RBPMS: variants seen among roughly 807,000 people sequenced by gnomAD.
The protein encoded by RBPMS is RNA-binding protein with multiple splicing.
Under a neutral mutation model 26.8 loss-of-function variants are expected in RBPMS, and 7 were observed. That is an observed-to-expected ratio of 0.26 (90% CI 0.15 to 0.49). RBPMS has a LOEUF of 0.49. Among genes scored for constraint, RBPMS ranks in the 20% least tolerant of loss-of-function variants. The pLI, the probability that RBPMS is intolerant of heterozygous loss-of-function variation, is 0.98. For synonymous variants in RBPMS, 96 were observed against 93.3 expected, an observed-to-expected ratio of 1.03 and a Z score of -0.17; for missense variants, 186 against 250.0, an observed-to-expected ratio of 0.74 and a Z score of 1.73.
chr8:30,417,427 T>C (rs1197782008), intron 1 of RBPMS, among the ~76,000 whole-genome samples: 2 of 152,114 alleles, frequency 1.3e-5, no homozygotes, highest in Admixed American at 6.5e-5. Flanking sequence ...ACCTGTTTTA[T>C]AGAAACTTCT....
At chr8:30,529,798 G>C (rs1227302241) in intron 5 of RBPMS, among the ~76,000 whole-genome samples, 3 of 150,422 alleles carry the variant, frequency 2.0e-5, no homozygotes, top group African/African-American at 7.4e-5. Context: ...TTGTTGCCCA[G>C]GCTGGAGTGC....
At position 30,547,101 on chromosome 8, in the gene RBPMS, A is replaced by G. The variant is rs548335639; in HGVS notation, c.528+2477A>G. On this transcript the variant is annotated intron_variant, in intron 6 of 8. Transcript: ENST00000397323. ...GGAATCAGCACTTAACCCTCACCCA[A>G]AGGGCCCAAGAGAATCTTTAGTAAC... Among the ~76,000 whole-genome samples, 5 of 152,276 alleles carry G rather than the reference A, an allele frequency of 3.3e-5. No homozygotes were observed. In the South Asian group the frequency reaches 8.3e-4, roughly 25 times the overall value.
chr8:30,512,439 T>C (rs1399372991), intron 5 of RBPMS, among the ~76,000 whole-genome samples: 1 of 152,142 alleles, frequency 6.6e-6, no homozygotes, highest in Non-Finnish European at 1.5e-5. Flanking sequence ...CAGGACTATA[T>C]ATCCAAAGCA....
intron 1 of RBPMS, among the ~76,000 whole-genome samples, chr8:30,473,519 G>A (rs1165441564): frequency 6.6e-6 from 1 of 152,094 alleles, no homozygotes; most frequent in Admixed American, 6.6e-5. Context: ...AAACACAGTG[G>A]GTGGAAGACA....
intron 6 of RBPMS, among the ~76,000 whole-genome samples, chr8:30,557,027 A>G (rs1585877430): frequency 6.6e-6 from 1 of 152,168 alleles, no homozygotes; most frequent in East Asian, 1.9e-4. Flanking sequence ...GAGTGACCCC[A>G]GCCCTGCCTT....
chr8:30,495,265 G>C (rs1372470228), intron 4 of RBPMS, among the ~76,000 whole-genome samples: 1 of 149,198 alleles, frequency 6.7e-6, no homozygotes, highest in African/African-American at 2.5e-5. Flanking sequence ...ATCTGGTTTA[G>C]AAACAATTAT....
In RBPMS at chr8:30,413,569, G is replaced by A. The variant is rs78098502; in HGVS notation, c.66+28411G>A. Among the ~76,000 whole-genome samples the A allele has an allele frequency of 3.6e-3, 552 of 152,212 alleles. 3 individuals carry two copies. The highest frequency in any genetic ancestry group is 0.013 in the African/African-American group (526 of 41,534). On this transcript the variant is annotated intron_variant, in intron 1 of 8. Transcript: ENST00000397323. Reference sequence around the variant, plus strand: ...TAAGATAAATACCAATATTTGGTGCGGTGGGGAGCATCAAGAAAGTGGCAC... The same window carrying A: ...TAAGATAAATACCAATATTTGGTGCAGTGGGGAGCATCAAGAAAGTGGCAC...
intron 5 of RBPMS, among the ~76,000 whole-genome samples, chr8:30,535,450 C>G (rs1335729079): frequency 2.0e-5 from 3 of 152,162 alleles, no homozygotes; most frequent in Non-Finnish European, 4.4e-5. Flanking sequence ...CTGGTCTTTA[C>G]TGGATTTTCA....
chr8:30,519,742 C>T lies in RBPMS; in HGVS notation c.397+15306C>T, dbSNP rs1822834561. ...TCTCCTGACCTCGTGATCTGCCCACCTCGGCCTCCCAAAGTGCTGGGATTA... is the reference window on the plus strand; with the variant it reads ...TCTCCTGACCTCGTGATCTGCCCACTTCGGCCTCCCAAAGTGCTGGGATTA... On this transcript the variant is annotated intron_variant, in intron 5 of 8. Coordinates refer to ENST00000397323, the MANE Select transcript of RBPMS (RefSeq NM_001008710.3). Among the ~76,000 whole-genome samples, 3 of 152,054 alleles carry T rather than the reference C, an allele frequency of 2.0e-5. No homozygotes were observed. The South Asian group carries it at 6.2e-4, about 32-fold the overall frequency.
At chr8:30,564,200 A>G (rs1292818005) in intron 7 of RBPMS, 1 of 152,224 alleles carries the variant, frequency 6.6e-6, no homozygotes, top group African/African-American at 2.4e-5. Flanking sequence ...CACCAGCTTT[A>G]TACGGGGTTT....
chr8:30,452,540 G>A (rs992737407), intron 1 of RBPMS, among the ~76,000 whole-genome samples: 2 of 152,170 alleles, frequency 1.3e-5, no homozygotes, highest in Admixed American at 6.5e-5. Flanking sequence ...CCCCCTACAA[G>A]AATTCTTAAA....
intron 6 of RBPMS, chr8:30,558,518 A>G (rs1022459212): frequency 1.6e-5 from 6 of 365,718 alleles, no homozygotes; most frequent in Non-Finnish European, 2.6e-5. Context: ...CTCTGCTTAG[A>G]AAGCCATTAG....
intron 7 of RBPMS, chr8:30,564,486 A>C (rs1235471488): frequency 6.6e-6 from 1 of 152,242 alleles, no homozygotes; most frequent in Non-Finnish European, 1.5e-5. Flanking sequence ...CCACACTGTC[A>C]GTCCTGTGGA....
In RBPMS at chr8:30,508,622, A is replaced by AT. The variant is rs67380106; in HGVS notation, c.397+4197dup. The stretch of plus-strand genomic sequence containing the variant: ...TCTCACATCTATAAATACATAATGG[A>AT]TTTTTTTTTTTGGTAACATACCATA... On this transcript the variant is annotated intron_variant, in intron 5 of 8. Transcript: ENST00000397323. Among the ~76,000 whole-genome samples, 33 of 147,104 alleles carry AT rather than the reference A, an allele frequency of 2.2e-4. 1 individual carries two copies. Among genetic ancestry groups the AT allele is most frequent in the Admixed American group, 5.4e-4 (8 of 14,720 alleles).
At chr8:30,569,777 C>G (rs896984699) in intron 8 of RBPMS, among the ~76,000 whole-genome samples, 2 of 152,124 alleles carry the variant, frequency 1.3e-5, no homozygotes, top group African/African-American at 2.4e-5. Context: ...CAGGGACAGG[C>G]CAGGGGTGCA....
At chr8:30,515,390 G>T (rs1035013761) in intron 5 of RBPMS, among the ~76,000 whole-genome samples, 1 of 152,126 alleles carries the variant, frequency 6.6e-6, no homozygotes, top group Non-Finnish European at 1.5e-5. Flanking sequence ...TAGCAGAGAA[G>T]AATATCCAGT....
At chr8:30,501,715 G>T (rs956523889) in intron 4 of RBPMS, among the ~76,000 whole-genome samples, 2 of 152,224 alleles carry the variant, frequency 1.3e-5, no homozygotes, top group Admixed American at 1.3e-4. Context: ...GGTGAATTAT[G>T]AGCAAGAGAG....
At chr8:30,412,542 T>C (rs1324631828) in intron 1 of RBPMS, among the ~76,000 whole-genome samples, 1 of 152,184 alleles carries the variant, frequency 6.6e-6, no homozygotes, top group East Asian at 1.9e-4. Context: ...TCCATGGTTC[T>C]TGCCCTCTCA....
intron 5 of RBPMS, among the ~76,000 whole-genome samples, chr8:30,533,501 GT>G (rs1195703713): frequency 2.0e-5 from 3 of 152,190 alleles, no homozygotes; most frequent in Non-Finnish European, 2.9e-5. Context: ...ACGGTTCTGG[GT>G]CCATGGGTGG....
Sources: gnomAD v4.1 joint callset for allele counts (sites outside exome capture counted in the v4.1 genomes callset) on GRCh38, gnomAD v4.1.1 for gene constraint, MANE v1.5 for transcripts, NCBI Gene and HGNC (gene_info 2026-07-23, HGNC 2026-07-21) for gene names.